The following TLE4 variants were observed in gnomAD, a reference collection of about 807,000 sequenced individuals.
TLE4 encodes transducin-like enhancer protein 4.
In TLE4, 8 loss-of-function variants were observed where a neutral mutation model predicts 92.8. The observed-to-expected ratio is 0.09, with a 90% CI of 0.05 to 0.16. The LOEUF is 0.16. TLE4 is among the 10% of genes least tolerant of loss of function. The pLI, the probability that TLE4 is intolerant of heterozygous loss-of-function variation, is 1.00. For missense variants in TLE4, 675 were observed against 997.6 expected, an observed-to-expected ratio of 0.68 and a Z score of 4.36; for synonymous variants, 371 against 374.1, an observed-to-expected ratio of 0.99 and a Z score of 0.10.
intron 8 of TLE4, among the ~76,000 whole-genome samples, chr9:79,689,019 G>C (rs1423453162): frequency 6.6e-6 from 1 of 152,030 alleles, no homozygotes; most frequent in Non-Finnish European, 1.5e-5. Flanking sequence ...AACTCACAGA[G>C]TAATGCATTT....
chr9:79,645,771 A>C (rs969880268), intron 6 of TLE4, among the ~76,000 whole-genome samples: 2 of 152,148 alleles, frequency 1.3e-5, no homozygotes, highest in East Asian at 3.8e-4. Context: ...CTTAAGTTTA[A>C]AGTTCACTCC....
At chr9:79,718,236 C>T (rs1221413740) in intron 14 of TLE4, among the ~76,000 whole-genome samples, 2 of 152,096 alleles carry the variant, frequency 1.3e-5, no homozygotes, top group Admixed American at 6.5e-5. Context: ...CTCTTAACTC[C>T]TTAAAGCTTC....
intron 8 of TLE4, among the ~76,000 whole-genome samples, chr9:79,688,704 A>G (rs1042523926): frequency 6.6e-6 from 1 of 151,760 alleles, no homozygotes; most frequent in African/African-American, 2.4e-5. Flanking sequence ...AATGCCGTAT[A>G]AAACATCAAA....
chr9:79,631,862 G>A (rs2054355260), intron 6 of TLE4, among the ~76,000 whole-genome samples: 1 of 151,284 alleles, frequency 6.6e-6, no homozygotes, highest in East Asian at 1.9e-4. Context: ...AAATATGTGG[G>A]TATATATAAA....
chr9:79,701,650 C>T (rs561662241), intron 8 of TLE4, among the ~76,000 whole-genome samples: 1 of 152,242 alleles, frequency 6.6e-6, no homozygotes, highest in African/African-American at 2.4e-5. Flanking sequence ...GCTGAATTGC[C>T]ATATTACCGA....
At chr9:79,589,610 C>T (rs1302280500) in intron 4 of TLE4, among the ~76,000 whole-genome samples, 2 of 152,006 alleles carry the variant, frequency 1.3e-5, no homozygotes, top group African/African-American at 4.8e-5. Context: ...ACCCATTAGT[C>T]CTGTCCCCCA....
At chr9:79,686,330 A>G (rs1483041585) in intron 8 of TLE4, among the ~76,000 whole-genome samples, 1 of 152,198 alleles carries the variant, frequency 6.6e-6, no homozygotes, top group Admixed American at 6.5e-5. Context: ...CTTTGAACCA[A>G]CAACCAGTTT....
chr9:79,573,452 G>C, intron 1 of TLE4: 1 of 1,118,596 alleles, frequency 8.9e-7, no homozygotes, highest in South Asian at 3.1e-5. Flanking sequence ...CGAACCCTCG[G>C]GGTCCGGGGC....
chr9:79,696,968 A>T (rs1465953836), intron 8 of TLE4, among the ~76,000 whole-genome samples: 4 of 152,158 alleles, frequency 2.6e-5, no homozygotes, highest in Admixed American at 2.6e-4. Context: ...ACCACATGAG[A>T]TTTGCCAGTG....
chr9:79,639,554 CTCAT>C (rs748787477), intron 6 of TLE4, among the ~76,000 whole-genome samples: 2 of 152,170 alleles, frequency 1.3e-5, no homozygotes, highest in Non-Finnish European at 2.9e-5. Context: ...TCACCACTGA[CTCAT>C]TCAGAGCAAA....
chr9:79,725,422 G>A lies in TLE4; in HGVS notation c.*278G>A. 4.8e-6 allele frequency: 1 copy of A among 208,416 alleles called. No individual in the cohort carries two copies. Among genetic ancestry groups the A allele is most frequent in the East Asian group, 1.3e-4 (1 of 7,836 alleles). 12.9% of individuals were successfully genotyped at this position (208,416 alleles called of 1,614,324 possible). A position where few individuals can be genotyped will look rare whatever the true frequency, so the allele number is the denominator to read the frequency against. On this transcript the variant is annotated 3_prime_UTR_variant, in exon 20 of 20. Transcript: ENST00000376552. ...GAATCTTTAATTATGTATTATATCTGTAATATATTTATTTTGTTTAAAGAA... is the reference window on the plus strand; with the variant it reads ...GAATCTTTAATTATGTATTATATCTATAATATATTTATTTTGTTTAAAGAA...
intron 5 of TLE4, among the ~76,000 whole-genome samples, chr9:79,622,661 A>G (rs1450255208): frequency 2.6e-5 from 4 of 152,182 alleles, no homozygotes; most frequent in Admixed American, 2.6e-4. Context: ...TATGAGATCA[A>G]AGACTATGGT....
intron 5 of TLE4, among the ~76,000 whole-genome samples, chr9:79,620,947 ACT>A (rs1409569590): frequency 4.0e-5 from 6 of 151,666 alleles, no homozygotes; most frequent in Non-Finnish European, 2.9e-5. Context: ...GTGAGAACTC[ACT>A]CTCTGTTGCG....
chr9:79,699,369 A>T (rs2069131781), intron 8 of TLE4, among the ~76,000 whole-genome samples: 1 of 152,176 alleles, frequency 6.6e-6, no homozygotes, highest in Non-Finnish European at 1.5e-5. Flanking sequence ...CCTGACTCTG[A>T]TTAATGTTTG....
In TLE4 at chr9:79,605,597, G is replaced by T. The variant is rs149789489; in HGVS notation, c.253-7059G>T. Among the ~76,000 whole-genome samples, 298 of 152,094 alleles carry T rather than the reference G, an allele frequency of 2.0e-3. 1 individual carries two copies. The South Asian group carries it at 0.025, about 13-fold the overall frequency. ...GTGCTCTTTTTTTTCTTTAACCATTGTAAAAATGCTTCAGTAAAATATAGC... is the reference window on the plus strand; with the variant it reads ...GTGCTCTTTTTTTTCTTTAACCATTTTAAAAATGCTTCAGTAAAATATAGC... On this transcript the variant is annotated intron_variant, in intron 4 of 19. Coordinates refer to ENST00000376552, the MANE Select transcript of TLE4 (RefSeq NM_007005.6).
intron 8 of TLE4, among the ~76,000 whole-genome samples, chr9:79,667,520 G>T (rs2061594837): frequency 6.6e-6 from 1 of 152,118 alleles, no homozygotes; most frequent in Admixed American, 6.5e-5. Flanking sequence ...ATATATATAT[G>T]TATATAAAAC....
chr9:79,576,437 C>A, intron 4 of TLE4: 1 of 269,604 alleles, frequency 3.7e-6, no homozygotes, highest in Non-Finnish European at 6.9e-6. Context: ...AAGCAGGATG[C>A]TAAATTTTAA....
intron 5 of TLE4, among the ~76,000 whole-genome samples, chr9:79,618,078 A>T (rs1266767218): frequency 6.6e-6 from 1 of 152,222 alleles, no homozygotes; most frequent in African/African-American, 2.4e-5. Flanking sequence ...ACCTGCCCAC[A>T]GATAGTTGTA....
In TLE4 at chr9:79,647,719, CTAAT is replaced by C. The variant is rs767429688; in HGVS notation, c.391-4870_391-4867del. Among the ~76,000 whole-genome samples the C allele has an allele frequency of 2.6e-5, 4 of 151,930 alleles. No homozygotes were observed. The East Asian group carries it at 5.8e-4, about 22-fold the overall frequency. On this transcript the variant is annotated intron_variant, in intron 6 of 19. Coordinates refer to ENST00000376552, the MANE Select transcript of TLE4 (RefSeq NM_007005.6). ...TATGGGAAATATTTTTTAAATAGCTCTAATTAAGAGGTATGGCATACACAGACTT... is the reference window on the plus strand; with the variant it reads ...TATGGGAAATATTTTTTAAATAGCTCTAAGAGGTATGGCATACACAGACTT...
Sources: gnomAD v4.1 joint callset for allele counts (sites outside exome capture counted in the v4.1 genomes callset) on GRCh38, gnomAD v4.1.1 for gene constraint, MANE v1.5 for transcripts, NCBI Gene and HGNC (gene_info 2026-07-23, HGNC 2026-07-21) for gene names.